The following TCF12 variants were observed in gnomAD, a reference collection of about 807,000 sequenced individuals.
TCF12 encodes transcription factor 12.
Under a neutral mutation model 86.0 loss-of-function variants are expected in TCF12, and 45 were observed. That is an observed-to-expected ratio of 0.52 (90% CI 0.41 to 0.67). The LOEUF is 0.67. TCF12 is among the 30% of genes least tolerant of loss of function. The pLI, the probability that TCF12 is intolerant of heterozygous loss-of-function variation, is 0.00. For missense variants in TCF12, 881 were observed against 859.9 expected, an observed-to-expected ratio of 1.02 and a Z score of -0.31; for synonymous variants, 330 against 299.6, an observed-to-expected ratio of 1.10 and a Z score of -1.05.
Position 57,253,764 on chromosome 15 carries a change from A to G in TCF12, c.1467+296A>G, listed in dbSNP as rs190826524. ...AGTTTTTGCCTTGAAATAGTGCATA[A>G]GAAATCTGAATAGCAAGAGTTCTGA... On this transcript the variant is annotated intron_variant, in intron 16 of 20. Coordinates refer to ENST00000333725, the MANE Select transcript of TCF12 (RefSeq NM_207037.2). Among the ~76,000 whole-genome samples the G allele has an allele frequency of 3.6e-3, 554 of 152,338 alleles. 6 individuals are homozygous for G. Among genetic ancestry groups the G allele is most frequent in the Admixed American group, 5.7e-3 (88 of 15,306 alleles).
At chr15:57,045,189 T>C (rs2067150048) in intron 3 of TCF12, among the ~76,000 whole-genome samples, 1 of 152,242 alleles carries the variant, frequency 6.6e-6, no homozygotes, top group Non-Finnish European at 1.5e-5. Context: ...CATTACATGC[T>C]GTCCCATTTA....
chr15:57,165,512 G>A (rs745436602), intron 5 of TCF12, among the ~76,000 whole-genome samples: 1 of 151,792 alleles, frequency 6.6e-6, no homozygotes. Flanking sequence ...CCAGAGGTGT[G>A]GTTTGAGCTA....
At chr15:57,123,426 T>G (rs1429348652) in intron 5 of TCF12, among the ~76,000 whole-genome samples, 1 of 152,212 alleles carries the variant, frequency 6.6e-6, no homozygotes, top group Non-Finnish European at 1.5e-5. Flanking sequence ...GTAAGATTCT[T>G]TTAAAGTATT....
chr15:57,099,116 A>T (rs1051352833), intron 5 of TCF12, among the ~76,000 whole-genome samples: 13 of 152,160 alleles, frequency 8.5e-5, no homozygotes, highest in Admixed American at 2.6e-4. Context: ...AATTTATAAC[A>T]TCCTGTTCCT....
At chr15:57,246,595 A>C (rs1348987007) in intron 13 of TCF12, among the ~76,000 whole-genome samples, 1 of 151,884 alleles carries the variant, frequency 6.6e-6, no homozygotes, top group Non-Finnish European at 1.5e-5. Context: ...AAAGTTAAAA[A>C]TTCCCTATTT....
intron 4 of TCF12, among the ~76,000 whole-genome samples, chr15:57,076,563 G>A (rs1424533077): frequency 6.6e-6 from 1 of 150,872 alleles, no homozygotes; most frequent in Non-Finnish European, 1.5e-5. Flanking sequence ...TGAGGCAGGA[G>A]AATAGCGTGA....
At chr15:57,166,338 A>G (rs1340347912) in intron 5 of TCF12, 64 bp from the exon 6 acceptor site, 2 of 1,312,442 alleles carry the variant, frequency 1.5e-6, no homozygotes, top group Non-Finnish European at 1.1e-6. Flanking sequence ...TGAATAGTCT[A>G]GCAGTTTGAT....
chr15:57,053,757 T>C (rs551548995), intron 3 of TCF12, among the ~76,000 whole-genome samples: 1 of 152,310 alleles, frequency 6.6e-6, no homozygotes. Context: ...TTGCCTGAAG[T>C]ATCTATCATT....
intron 20 of TCF12, among the ~76,000 whole-genome samples, chr15:57,284,300 T>G (rs541438673): frequency 6.6e-6 from 1 of 152,074 alleles, no homozygotes; most frequent in Non-Finnish European, 1.5e-5. Flanking sequence ...TCCCGCCTCC[T>G]GGGTTTGAGC....
chr15:57,247,302 C>T, intron 13 of TCF12: 3 of 659,428 alleles, frequency 4.5e-6, no homozygotes, highest in Non-Finnish European at 8.3e-6. Flanking sequence ...CCACCACCTT[C>T]ACCACCATAG....
intron 5 of TCF12, among the ~76,000 whole-genome samples, chr15:57,159,677 C>T (rs911675162): frequency 2.7e-5 from 4 of 149,792 alleles, no homozygotes; most frequent in Non-Finnish European, 5.9e-5. Context: ...GGAATTGTTT[C>T]TAGGTTAAGC....
chr15:57,236,509 C>G (rs766065176), intron 12 of TCF12, among the ~76,000 whole-genome samples: 1 of 152,064 alleles, frequency 6.6e-6, no homozygotes, highest in Non-Finnish European at 1.5e-5. Flanking sequence ...AATATAGCCT[C>G]TGGTTTTAGA....
intron 5 of TCF12, among the ~76,000 whole-genome samples, chr15:57,151,546 C>G (rs2053760298): frequency 6.6e-6 from 1 of 152,050 alleles, no homozygotes; most frequent in African/African-American, 2.4e-5. Flanking sequence ...GAGGACAGAT[C>G]ATGAGATCAA....
chr15:57,130,522 A>G (rs1387750255), intron 5 of TCF12, among the ~76,000 whole-genome samples: 1 of 152,192 alleles, frequency 6.6e-6, no homozygotes, highest in East Asian at 1.9e-4. Context: ...TCTAGAGTGC[A>G]TTATCAGGGG....
At chr15:57,232,942 T>C in intron 11 of TCF12, 86 bp downstream of exon 11, 1 of 880,494 alleles carries the variant, frequency 1.1e-6, no homozygotes, top group Non-Finnish European at 1.5e-6. Context: ...ATGTATGTTT[T>C]ATATATATAA....
chr15:57,127,175 G>T (rs1332422121), intron 5 of TCF12, among the ~76,000 whole-genome samples: 4 of 151,848 alleles, frequency 2.6e-5, no homozygotes, highest in Middle Eastern at 3.4e-3. Context: ...TAGAGACAGG[G>T]TTTCACCACG....
At chr15:57,153,472 C>T (rs114601928) in intron 5 of TCF12, among the ~76,000 whole-genome samples, 1 of 152,008 alleles carries the variant, frequency 6.6e-6, no homozygotes, top group African/African-American at 2.4e-5. Context: ...AATGAGAGCT[C>T]CAGAAATGGT....
intron 5 of TCF12, among the ~76,000 whole-genome samples, chr15:57,147,620 T>A (rs1026191627): frequency 1.3e-5 from 2 of 152,144 alleles, no homozygotes. Flanking sequence ...AGTTAAATCC[T>A]TGTGCATATT....
intron 5 of TCF12, among the ~76,000 whole-genome samples, chr15:57,131,068 C>T (rs894554954): frequency 6.6e-6 from 1 of 152,142 alleles, no homozygotes. Flanking sequence ...GCGTTATTGT[C>T]AGACATACTG....
Sources: allele counts gnomAD v4.1 joint callset (sites outside exome capture counted in the v4.1 genomes callset), GRCh38; gene constraint gnomAD v4.1.1; transcripts MANE v1.5; gene names NCBI Gene and HGNC (gene_info 2026-07-23, HGNC 2026-07-21).